CUBN: variants seen among roughly 807,000 people sequenced by gnomAD.
The protein encoded by CUBN is cubilin.
In CUBN, 282 loss-of-function variants were observed where a neutral mutation model predicts 405.3. The observed-to-expected ratio is 0.70, with a 90% confidence interval of 0.63 to 0.77. The LOEUF is 0.77. CUBN is among the 30% of genes least tolerant of loss of function. The pLI, the probability that CUBN is intolerant of heterozygous loss-of-function variation, is 0.00. For synonymous variants in CUBN, 1,684 were observed against 1,617.0 expected (o/e 1.04, Z -0.99); for missense variants, 4,514 against 4,475.2 (o/e 1.01, Z -0.25).
chr10:17,092,084 G>C (rs966672631), intron 14 of CUBN, among the ~76,000 whole-genome samples: 1 of 152,048 alleles, frequency 6.6e-6, no homozygotes, highest in Non-Finnish European at 1.5e-5. Flanking sequence ...AACCCCACAG[G>C]GACGATACGG....
intron 26 of CUBN, among the ~76,000 whole-genome samples, chr10:17,041,763 G>C (rs932034721): frequency 1.3e-5 from 2 of 152,058 alleles, no homozygotes; most frequent in Admixed American, 1.3e-4. Flanking sequence ...TCACAATAAA[G>C]GCTCCGTTCT....
At chr10:16,959,942 C>A (rs1843170833) in intron 31 of CUBN, among the ~76,000 whole-genome samples, 1 of 152,116 alleles carries the variant, frequency 6.6e-6, no homozygotes, top group Non-Finnish European at 1.5e-5. Flanking sequence ...AAAGTCAGGG[C>A]AATATACAAA....
intron 52 of CUBN, among the ~76,000 whole-genome samples, chr10:16,901,108 C>CT (rs1163589614): frequency 1.3e-5 from 2 of 152,090 alleles, no homozygotes; most frequent in Non-Finnish European, 1.5e-5. Flanking sequence ...GCAGAATTAT[C>CT]TTCTGTGTAT....
chr10:17,118,799 T>C (rs1368987761), intron 6 of CUBN, among the ~76,000 whole-genome samples: 2 of 152,236 alleles, frequency 1.3e-5, no homozygotes, highest in Non-Finnish European at 1.5e-5. Context: ...TGTCTTGATA[T>C]GGCCTTTAAA....
chr10:17,061,928 A>G (rs1835514064), intron 22 of CUBN, among the ~76,000 whole-genome samples: 1 of 152,164 alleles, frequency 6.6e-6, no homozygotes, highest in Non-Finnish European at 1.5e-5. Flanking sequence ...TTTCAAACCA[A>G]TCAGCTATGT....
intron 58 of CUBN, among the ~76,000 whole-genome samples, chr10:16,870,904 C>A (rs1207654679): frequency 1.3e-5 from 2 of 152,184 alleles, no homozygotes; most frequent in South Asian, 2.1e-4. Context: ...AGTTCCTGAA[C>A]AAGCAAGGCT....
At chr10:16,870,659 C>T (rs1417032939) in intron 58 of CUBN, among the ~76,000 whole-genome samples, 6 of 152,238 alleles carry the variant, frequency 3.9e-5, no homozygotes, top group African/African-American at 1.4e-4. Flanking sequence ...AAAAACGAAG[C>T]TTCCATCAGC....
chr10:17,114,590 C>T (rs1836845711), intron 7 of CUBN, among the ~76,000 whole-genome samples: 1 of 152,220 alleles, frequency 6.6e-6, no homozygotes, highest in South Asian at 2.1e-4. Context: ...ACCTCCTCAA[C>T]CCTTCCATCC....
intron 14 of CUBN, among the ~76,000 whole-genome samples, chr10:17,094,440 T>G (rs1035167507): frequency 1.3e-5 from 2 of 152,092 alleles, no homozygotes; most frequent in African/African-American, 2.4e-5. Flanking sequence ...AGAAAAATGA[T>G]CCCATTAGAA....
chr10:16,946,264 T>A (rs750637061), intron 36 of CUBN, among the ~76,000 whole-genome samples: 1 of 152,164 alleles, frequency 6.6e-6, no homozygotes, highest in Non-Finnish European at 1.5e-5. Flanking sequence ...TATCAGTTGA[T>A]TAAAATGTGT....
intron 27 of CUBN, among the ~76,000 whole-genome samples, chr10:17,021,481 G>A (rs575152703): frequency 3.9e-5 from 6 of 152,062 alleles, no homozygotes; most frequent in South Asian, 2.1e-4. Context: ...CCATGACAAC[G>A]AAACATAAAA....
At chr10:16,868,461 G>A (rs575685117) in intron 59 of CUBN, among the ~76,000 whole-genome samples, 1 of 152,186 alleles carries the variant, frequency 6.6e-6, no homozygotes, top group Non-Finnish European at 1.5e-5. Context: ...TCTTCACAGA[G>A]TATGAGATTT....
At chr10:17,003,515 A>AT (rs1564472787) in intron 28 of CUBN, among the ~76,000 whole-genome samples, 1 of 152,118 alleles carries the variant, frequency 6.6e-6, no homozygotes. Flanking sequence ...TAAATTGAAC[A>AT]TTTTTTGTTC....
At chr10:16,945,311 T>C (rs900473119) in intron 36 of CUBN, among the ~76,000 whole-genome samples, 1 of 152,226 alleles carries the variant, frequency 6.6e-6, no homozygotes, top group East Asian at 1.9e-4. Context: ...GATCAATATA[T>C]AGAAGGCACC....
At chr10:17,067,636 G>A (rs1228256550) in intron 21 of CUBN, among the ~76,000 whole-genome samples, 4 of 151,954 alleles carry the variant, frequency 2.6e-5, no homozygotes, top group African/African-American at 9.7e-5. Context: ...ACAAATCTTC[G>A]GATCCAAGAA....
chr10:16,855,803 A>G (rs144564500), intron 59 of CUBN, among the ~76,000 whole-genome samples: 162 of 152,338 alleles, frequency 1.1e-3, no homozygotes, highest in African/African-American at 3.7e-3. Flanking sequence ...TCATGAGATA[A>G]TCCTGGCCAA....
intron 1 of CUBN, 39 bp downstream of exon 1, chr10:17,129,605 C>T: frequency 6.2e-7 from 1 of 1,613,820 alleles, no homozygotes; most frequent in Non-Finnish European, 8.5e-7. Flanking sequence ...GAGGAATTAG[C>T]CTAGTCCCTG....
chr10:16,894,091 T>C (rs2458399), intron 54 of CUBN, among the ~76,000 whole-genome samples: 112,770 of 152,046 alleles, frequency 0.74, 42,131 homozygotes, highest in East Asian at 0.85. Context: ...TATTTTACTC[T>C]TGAGTTTGAG....
chr10:17,009,152 A>G (rs1398287065), intron 28 of CUBN, among the ~76,000 whole-genome samples: 1 of 152,218 alleles, frequency 6.6e-6, no homozygotes, highest in African/African-American at 2.4e-5. Context: ...ATGACTAAAA[A>G]TTCCTTTCCA....
Sources: allele counts gnomAD v4.1 joint callset (sites outside exome capture counted in the v4.1 genomes callset), GRCh38; gene constraint gnomAD v4.1.1; transcripts MANE v1.5; gene names NCBI Gene and HGNC (gene_info 2026-07-23, HGNC 2026-07-21).